HCRTR1: variants seen among roughly 807,000 people sequenced by gnomAD.
HCRTR1 encodes hypocretin receptor 1, also known as orexin/Hypocretin receptor type 1.
In HCRTR1, 28 loss-of-function variants were observed where a neutral mutation model predicts 40.6. The ratio of observed to expected loss-of-function variants is 0.69; its 90% CI spans 0.51 to 0.95. The LOEUF (loss-of-function observed/expected upper bound fraction) is 0.95, where lower values mean the gene tolerates loss of function less well. Ranked by LOEUF, HCRTR1 falls within the 40% of genes least tolerant of loss-of-function variation. The pLI, the probability that HCRTR1 is intolerant of heterozygous loss-of-function variation, is 0.00. For synonymous variants in HCRTR1, 209 were observed against 230.0 expected, an observed-to-expected ratio of 0.91 and a Z score of 0.83; for missense variants, 482 against 564.7, an observed-to-expected ratio of 0.85 and a Z score of 1.48.
intron 6 of HCRTR1, among the ~76,000 whole-genome samples, chr1:31,622,342 G>C (rs2148609829): frequency 6.6e-6 from 1 of 152,166 alleles, no homozygotes; most frequent in East Asian, 1.9e-4. Flanking sequence ...CTCACACTTG[G>C]GGATGTCACC....
Position 31,620,864 on chromosome 1 carries a change from G to A in HCRTR1, c.400G>A (p.Val134Met), listed in dbSNP as rs766465690. The A allele has an allele frequency of 6.2e-6, 10 of 1,613,938 alleles. 1 individual carries two copies. The Admixed American group carries it at 1.5e-4, about 24-fold the overall frequency. ...GCAGGCTGTGTCCGTGTCAGTGGCA[G>A]TGCTAACTCTCAGCTTCATCGCCCT... ...YLQAVSVSVAVLTLSFIALDR... is the reference protein window; with the variant it reads ...YLQAVSVSVAMLTLSFIALDR... The change falls in exon 5 of 9, where the codon GTG becomes ATG. Residue 134 changes from valine to methionine, a missense_variant. Val to Met is a conservative substitution (Grantham distance 21). Coordinates refer to ENST00000403528, the MANE Select transcript of HCRTR1 (RefSeq NM_001525.3).
downstream of HCRTR1, chr1:31,633,229 C>T (rs779488499): frequency 1.2e-6 from 2 of 1,614,112 alleles, no homozygotes; most frequent in Admixed American, 3.3e-5. Context: ...GCTTTAGCTC[C>T]TTCATGGAGA....
At chr1:31,622,320 C>T (rs1356833473) in intron 6 of HCRTR1, among the ~76,000 whole-genome samples, 1 of 152,038 alleles carries the variant, frequency 6.6e-6, no homozygotes, top group Admixed American at 6.6e-5. Flanking sequence ...TGACCAGGCT[C>T]AGGAAGGGAC....
chr1:31,623,759 C>T lies in HCRTR1; in HGVS notation c.965+10C>T, dbSNP rs547684510. On this transcript the variant is annotated intron_variant, in intron 7 of 8. Coordinates refer to ENST00000403528, the MANE Select transcript of HCRTR1 (RefSeq NM_001525.3). Reference sequence around the variant, plus strand: ...TCAATGTCCTTAAGAGGTGAGAGCACGGGGTATGGTTGGGGTGGGGAGAAG... The same window carrying T: ...TCAATGTCCTTAAGAGGTGAGAGCATGGGGTATGGTTGGGGTGGGGAGAAG... 29 of 1,606,154 alleles carry T rather than the reference C, an allele frequency of 1.8e-5. 1 individual carries two copies. The Admixed American group carries it at 1.8e-4, about 10-fold the overall frequency.
In HCRTR1 at chr1:31,620,823, G is replaced by A. The variant is rs925806830; in HGVS notation, c.379-20G>A. ...CTGGGTGGCCCCCAAAATGACCGAC[G>A]TTGTGTCCCCGTGGGGCAGGCTGTG... is the stretch of plus-strand genomic sequence containing the variant. On this transcript the variant is annotated intron_variant, in intron 4 of 8. Transcript: ENST00000403528. The A allele has an allele frequency of 6.2e-6, 10 of 1,607,998 alleles. No homozygotes were observed. Among genetic ancestry groups the A allele is most frequent in the East Asian group, 2.2e-5 (1 of 44,778 alleles).
intron 2 of HCRTR1, 62 bp from the exon 3 acceptor site, chr1:31,618,989 C>T (rs1324066802): frequency 3.4e-6 from 2 of 587,752 alleles, no homozygotes; most frequent in East Asian, 5.6e-5. Flanking sequence ...GCGCCTGGCA[C>T]AATCCCTAAT....
At chr1:31,630,112 C>A, downstream of HCRTR1, 1 of 177,660 alleles carries the variant, frequency 5.6e-6, no homozygotes, top group Non-Finnish European at 1.2e-5. Flanking sequence ...GAAGTTAACA[C>A]ACAAGGATTT....
chr1:31,623,547 G>A lies in HCRTR1; in HGVS notation c.763G>A (p.Val255Met). 2 of 1,613,280 alleles carry A rather than the reference G, an allele frequency of 1.2e-6. No individual in the cohort carries two copies. Among genetic ancestry groups the A allele is most frequent in the East Asian group, 2.2e-5 (1 of 44,872 alleles). The change falls in exon 7 of 9, where the codon GTG becomes ATG. Residue 255 changes from valine (V) to methionine (M), a missense_variant. Coordinates refer to ENST00000403528, the MANE Select transcript of HCRTR1 (RefSeq NM_001525.3). ...GATCCCCGGCACCACCTCAGCACTG[G>A]TGCGGAACTGGAAGCGCCCCTCAGA... ...RQIPGTTSAL[V>M]RNWKRPSDQL... is the part of the protein sequence containing the mutation.
Position 31,623,525 on chromosome 1 carries a change from C to T in HCRTR1, c.741C>T (p.Ile247=), listed in dbSNP as rs1639905546. 1 of 1,611,226 alleles carries T rather than the reference C, an allele frequency of 6.2e-7. No homozygotes were observed. The highest frequency in any genetic ancestry group is 8.5e-7 in the Non-Finnish European group (1 of 1,178,920). Residue 247 remains isoleucine, a splice_region_variant and synonymous_variant, in exon 7 of 9, where the codon ATC becomes ATT. Transcript: ENST00000403528. ...CTGTCTCTATGTGTGCTGGACAGAT[C>T]CCCGGCACCACCTCAGCACTGGTGC... The part of the protein sequence containing the change: ...QIFRKLWGRQ[I]PGTTSALVRN...
intron 6 of HCRTR1, among the ~76,000 whole-genome samples, chr1:31,623,058 G>A (rs1639891116): frequency 6.6e-6 from 1 of 152,198 alleles, no homozygotes; most frequent in Non-Finnish European, 1.5e-5. Flanking sequence ...GCTGGGCGCA[G>A]TGGCTCACAC....
chr1:31,628,911 G>A (rs1450460619), downstream of HCRTR1, among the ~76,000 whole-genome samples: 2 of 152,210 alleles, frequency 1.3e-5, no homozygotes, highest in African/African-American at 4.8e-5. Context: ...CATGCATAAA[G>A]GGTGATGTAT....
At chr1:31,633,536 T>C (rs904757338), downstream of HCRTR1, among the ~76,000 whole-genome samples, 2 of 152,232 alleles carry the variant, frequency 1.3e-5, no homozygotes, top group Non-Finnish European at 2.9e-5. Context: ...AGTTCTCGTA[T>C]AGTGTTCCAG....
Position 31,626,948 on chromosome 1 carries a change from G to C in HCRTR1, c.1246G>C (p.Val416Leu). ...CSISKISEHV[V>L]LTSVTTVLP The stretch of plus-strand genomic sequence containing the variant: ...CATCTCCAAAATCTCTGAGCATGTG[G>C]TGCTCACCAGCGTCACCACAGTGCT... Residue 416 changes from valine (V) to leucine (L), a missense_variant, in exon 9 of 9, where the codon GTG becomes CTG. Transcript: ENST00000403528. The surrounding 1 kb of genome is among the most constrained non-coding windows in gnomAD (Gnocchi z 4.6). 1 of 1,612,596 alleles carries C rather than the reference G, an allele frequency of 6.2e-7. No homozygotes were observed. Among genetic ancestry groups the C allele is most frequent in the Non-Finnish European group, 8.5e-7 (1 of 1,179,426 alleles).
At chr1:31,633,836 T>A (rs1187136414), downstream of HCRTR1, among the ~76,000 whole-genome samples, 1 of 151,822 alleles carries the variant, frequency 6.6e-6, no homozygotes, top group East Asian at 1.9e-4. Context: ...ATGCCTGTAA[T>A]CCCAGCTACT....
At chr1:31,630,220 T>C (rs897395876), downstream of HCRTR1, 17 of 255,324 alleles carry the variant, frequency 6.7e-5, no homozygotes, top group African/African-American at 3.3e-4. Context: ...TTTGACAGGA[T>C]GGCCTGGTGA....
intron 4 of HCRTR1, 104 bp from the exon 5 acceptor site, chr1:31,620,739 C>T: frequency 3.5e-6 from 5 of 1,437,118 alleles, no homozygotes; most frequent in Non-Finnish European, 4.7e-6. Flanking sequence ...GTGGTGGAGT[C>T]AGGATTTGCA....
rs1007556234 is a variant in HCRTR1 at position 31,626,203 on chromosome 1, T to A, written c.1088-587T>A. Among the ~76,000 whole-genome samples the A allele has an allele frequency of 9.2e-5, 14 of 152,148 alleles. No homozygotes were observed. The highest frequency in any genetic ancestry group is 4.6e-4 in the Admixed American group (7 of 15,280). ...TGTGGTGTGGTGGTCCCTCCTTCCCTCCTCCCCCTTGAGAAGGGCTTTGGA... is the reference window on the plus strand; with the variant it reads ...TGTGGTGTGGTGGTCCCTCCTTCCCACCTCCCCCTTGAGAAGGGCTTTGGA... On this transcript the variant is annotated intron_variant, in intron 8 of 8. Coordinates refer to ENST00000403528, the MANE Select transcript of HCRTR1 (RefSeq NM_001525.3). The surrounding 1 kb of genome is among the most constrained non-coding windows in gnomAD (Gnocchi z 4.6).
In HCRTR1 at chr1:31,626,665, T is replaced by TACCAACCAA; in HGVS notation, c.1088-125_1088-124insACCAACCAA. On this transcript the variant is annotated intron_variant, in intron 8 of 8. Transcript: ENST00000403528. This position sits in a 1 kb window ranked among gnomAD's most constrained non-coding sequence, Gnocchi z 4.6. ...CTCAGGGCTCTCCCTCCCAGCTCTATCCCTCCCTCCCTCCCCGCCCCCTCA... is the reference window on the plus strand; with the variant it reads ...CTCAGGGCTCTCCCTCCCAGCTCTATACCAACCAACCCTCCCTCCCTCCCCGCCCCCTCA... 3.0e-6 allele frequency: 2 copies of TACCAACCAA among 663,486 alleles called. No individual in the cohort carries two copies. The highest frequency in any genetic ancestry group is 4.9e-6 in the Non-Finnish European group (2 of 407,458). 41.1% of individuals were successfully genotyped at this position (663,486 alleles called of 1,614,324 possible). A position where few individuals can be genotyped will look rare whatever the true frequency, so the allele number is the denominator to read the frequency against.
downstream of HCRTR1, chr1:31,633,416 T>G: frequency 4.8e-6 from 6 of 1,252,686 alleles, no homozygotes; most frequent in Non-Finnish European, 4.4e-6. Context: ...GCTTCACAAA[T>G]TCACCTTCCC....
Sources: gnomAD v4.1 joint callset for allele counts (sites outside exome capture counted in the v4.1 genomes callset) on GRCh38, gnomAD v4.1.1 for gene constraint, Gnocchi (gnomAD v3.1) non-coding constraint, MANE v1.5 for transcripts, NCBI Gene and HGNC (gene_info 2026-07-23, HGNC 2026-07-21) for gene names.